Variants in DNER observed in about 807,000 individuals in gnomAD.
DNER encodes the protein delta/notch like EGF repeat containing.
DNER carries 33 observed loss-of-function variants against 78.2 expected under a neutral mutation model. That is an observed-to-expected ratio of 0.42 (90% CI 0.32 to 0.56). The LOEUF is 0.56. DNER is among the 20% of genes least tolerant of loss of function. The pLI, the probability that DNER is intolerant of heterozygous loss-of-function variation, is 0.11. For synonymous variants in DNER, 417 were observed against 384.8 expected (o/e 1.08, Z -0.98); for missense variants, 918 against 975.3 (o/e 0.94, Z 0.78).
chr2:229,365,577 C>T (rs982410318), intron 12 of DNER, among the ~76,000 whole-genome samples: 1 of 152,202 alleles, frequency 6.6e-6, no homozygotes, highest in Non-Finnish European at 1.5e-5. Flanking sequence ...GCTAGGATTA[C>T]AGGCACCCGC....
At chr2:229,393,819 C>G (rs560868347) in intron 10 of DNER, among the ~76,000 whole-genome samples, 1 of 152,228 alleles carries the variant, frequency 6.6e-6, no homozygotes, top group East Asian at 1.9e-4. Flanking sequence ...TGCACTCCAG[C>G]CTGGGCAACA....
At chr2:229,568,082 T>C (rs1272513218) in intron 4 of DNER, among the ~76,000 whole-genome samples, 1 of 147,736 alleles carries the variant, frequency 6.8e-6, no homozygotes, top group East Asian at 1.9e-4. Flanking sequence ...AAAAATGAAC[T>C]TTTGTTCCTA....
At chr2:229,629,037 G>A (rs970107947) in intron 1 of DNER, among the ~76,000 whole-genome samples, 8 of 152,164 alleles carry the variant, frequency 5.3e-5, no homozygotes, top group African/African-American at 1.7e-4. Flanking sequence ...AAAGGAGCAA[G>A]AAAAAGAAAT....
rs184988632 is a variant in DNER, at chr2:229,462,033, A to G, written c.1262-14493T>C. On this transcript the variant is annotated intron_variant, in intron 7 of 12. Transcript: ENST00000341772. ...TAAACAAAATAGAATTACAAAAGAAACCTACTGAAGAGGAATGCAAATAAA... is the reference window on the plus strand; with the variant it reads ...TAAACAAAATAGAATTACAAAAGAAGCCTACTGAAGAGGAATGCAAATAAA... 7.2e-5 allele frequency among the ~76,000 whole-genome samples: 11 copies of G among 152,236 alleles called. No homozygotes were observed. In the East Asian group the frequency reaches 1.9e-3, roughly 27 times the overall value.
At position 229,512,669 on chromosome 2, in the gene DNER, T is replaced by C. The variant is rs952097263; in HGVS notation, c.1147+114A>G. The C allele has an allele frequency of 1.8e-5, 26 of 1,414,734 alleles. No homozygotes were observed. The Admixed American group carries it at 3.1e-4, about 17-fold the overall frequency. 87.6% of individuals were successfully genotyped at this position (1,414,734 alleles called of 1,614,324 possible). On this transcript the variant is annotated intron_variant, in intron 6 of 12. Coordinates refer to ENST00000341772, the MANE Select transcript of DNER (RefSeq NM_139072.4). ...AACCTCACAAATCACCAAAAAGAACTTACTCATGTAACCAAGTACCACCTG... is the reference window on the plus strand; with the variant it reads ...AACCTCACAAATCACCAAAAAGAACCTACTCATGTAACCAAGTACCACCTG...
At chr2:229,430,001 T>C (rs1693970654) in intron 8 of DNER, among the ~76,000 whole-genome samples, 2 of 152,256 alleles carry the variant, frequency 1.3e-5, no homozygotes, top group Admixed American at 1.3e-4. Flanking sequence ...GGTTGAGGAA[T>C]ATAGAAGATG....
At chr2:229,588,357 A>G (rs773961914) in intron 3 of DNER, 37 bp downstream of exon 3, 9 of 1,597,432 alleles carry the variant, frequency 5.6e-6, no homozygotes, top group South Asian at 1.1e-5. Flanking sequence ...AGGTCATAGC[A>G]TCACTCTTAA....
intron 8 of DNER, among the ~76,000 whole-genome samples, chr2:229,426,844 G>GTC (rs577374483): frequency 9.9e-5 from 15 of 152,126 alleles, no homozygotes; most frequent in Non-Finnish European, 2.1e-4. Flanking sequence ...TCGTGCTTCT[G>GTC]TCACACACAC....
At chr2:229,413,321 C>CTTCTTT (rs1693567598) in intron 9 of DNER, among the ~76,000 whole-genome samples, 8 of 67,774 alleles carry the variant, frequency 1.2e-4, no homozygotes, top group African/African-American at 3.9e-4. Context: ...TTTTCTTCTT[C>CTTCTTT]TTTTTTTTTT....
At chr2:229,412,747 G>C (rs1417624665) in intron 9 of DNER, among the ~76,000 whole-genome samples, 1 of 152,172 alleles carries the variant, frequency 6.6e-6, no homozygotes, top group Non-Finnish European at 1.5e-5. Flanking sequence ...ACCCCGTCAG[G>C]AATGAAGTTG....
At chr2:229,681,411 A>G (rs188514927) in intron 1 of DNER, among the ~76,000 whole-genome samples, 26 of 152,274 alleles carry the variant, frequency 1.7e-4, no homozygotes, top group Admixed American at 1.4e-3. Context: ...GAAAAGAACC[A>G]TTGGCTCCCA....
intron 10 of DNER, among the ~76,000 whole-genome samples, chr2:229,406,838 T>C (rs1198969900): frequency 1.3e-5 from 2 of 151,964 alleles, no homozygotes; most frequent in African/African-American, 2.4e-5. Context: ...TATCTTGCAA[T>C]AAAAATAAAT....
intron 7 of DNER, among the ~76,000 whole-genome samples, chr2:229,454,660 C>A (rs1694533014): frequency 6.6e-6 from 1 of 150,954 alleles, no homozygotes; most frequent in Non-Finnish European, 1.5e-5. Flanking sequence ...AAAGAGATAT[C>A]AATAAATGCT....
chr2:229,363,985 C>CTTTTTT (rs10600729), intron 12 of DNER, among the ~76,000 whole-genome samples: 17 of 77,836 alleles, frequency 2.2e-4, no homozygotes, highest in East Asian at 3.6e-4. Flanking sequence ...CAATTCTCTG[C>CTTTTTT]TTTTTTTTTT....
At chr2:229,603,895 A>G (rs1344982784) in intron 1 of DNER, among the ~76,000 whole-genome samples, 1 of 152,206 alleles carries the variant, frequency 6.6e-6, no homozygotes, top group African/African-American at 2.4e-5. Flanking sequence ...AAAGATGATG[A>G]AACTAACTTG....
chr2:229,638,630 T>G (rs1574938869), intron 1 of DNER, among the ~76,000 whole-genome samples: 3 of 152,170 alleles, frequency 2.0e-5, no homozygotes, highest in Non-Finnish European at 4.4e-5. Flanking sequence ...ATGAATTTAA[T>G]TCCAACTAGA....
chr2:229,573,159 G>A (rs970666855), intron 4 of DNER, among the ~76,000 whole-genome samples: 2 of 152,156 alleles, frequency 1.3e-5, no homozygotes, highest in Non-Finnish European at 2.9e-5. Context: ...TTTATTTAAG[G>A]AGATTATCCA....
chr2:229,362,670 T>C (rs1282667432), intron 12 of DNER, among the ~76,000 whole-genome samples: 1 of 152,212 alleles, frequency 6.6e-6, no homozygotes, highest in East Asian at 1.9e-4. Flanking sequence ...CAATGAGTTA[T>C]TTGTGAATGA....
chr2:229,542,587 T>C (rs1396232926), intron 5 of DNER, among the ~76,000 whole-genome samples: 4 of 152,176 alleles, frequency 2.6e-5, no homozygotes, highest in Non-Finnish European at 5.9e-5. Context: ...AATACAGTTC[T>C]ATTTGTTTTG....
Sources: gnomAD v4.1 joint callset for allele counts (sites outside exome capture counted in the v4.1 genomes callset) on GRCh38, gnomAD v4.1.1 for gene constraint, MANE v1.5 for transcripts, NCBI Gene and HGNC (gene_info 2026-07-23, HGNC 2026-07-21) for gene names.